FAM227B: variants seen among roughly 807,000 people sequenced by gnomAD.
FAM227B encodes the protein protein FAM227B.
Under a neutral mutation model 73.8 loss-of-function variants are expected in FAM227B, and 88 were observed. That is an observed-to-expected ratio of 1.19 (90% CI 1.00 to 1.42). The LOEUF (loss-of-function observed/expected upper bound fraction) is 1.42. Ranked by LOEUF, FAM227B falls within the 40% of genes most tolerant of loss-of-function variation. FAM227B has a pLI of 0.00. For synonymous variants in FAM227B, 210 were observed against 190.5 expected (o/e 1.10, Z -0.84); for missense variants, 632 against 590.9 (o/e 1.07, Z -0.72).
intron 11 of FAM227B, among the ~76,000 whole-genome samples, chr15:49,465,124 A>G (rs2054144805): frequency 6.6e-6 from 1 of 151,736 alleles, no homozygotes; most frequent in Admixed American, 6.6e-5. Flanking sequence ...TGTCCTTCTT[A>G]ATTTTATTTT....
At chr15:49,442,035 A>C (rs1448199637) in intron 11 of FAM227B, among the ~76,000 whole-genome samples, 2 of 151,666 alleles carry the variant, frequency 1.3e-5, no homozygotes, top group Non-Finnish European at 3.0e-5. Flanking sequence ...AGTGTCCAGC[A>C]CATTAGGAAA....
intron 13 of FAM227B, among the ~76,000 whole-genome samples, chr15:49,354,287 G>C (rs575337860): frequency 6.6e-6 from 1 of 152,206 alleles, no homozygotes; most frequent in East Asian, 1.9e-4. Flanking sequence ...AGCTCCCAGC[G>C]TGAGCGACGC....
chr15:49,435,978 G>A (rs1310174114), intron 11 of FAM227B, among the ~76,000 whole-genome samples: 1 of 151,384 alleles, frequency 6.6e-6, no homozygotes, highest in Non-Finnish European at 1.5e-5. Context: ...AATTGGTACA[G>A]AGTACTTTAT....
At chr15:49,467,083 G>T (rs1026904081) in intron 11 of FAM227B, among the ~76,000 whole-genome samples, 6 of 152,226 alleles carry the variant, frequency 3.9e-5, no homozygotes, top group African/African-American at 1.4e-4. Context: ...GTTAAAGAGG[G>T]AGGGAAGAAA....
At position 49,556,742 on chromosome 15, in the gene FAM227B, C is replaced by G. The variant is rs80004206; in HGVS notation, c.747+11503G>C. Among the ~76,000 whole-genome samples, 1,292 of 152,228 alleles carry G rather than the reference C, an allele frequency of 8.5e-3. 21 individuals are homozygous for G. Among genetic ancestry groups the G allele is most frequent in the African/African-American group, 0.03 (1,253 of 41,522 alleles). ...CCTGCTCTGTTCAGGTCTGACAGTT[C>G]CCCTAAAATGAAAGTCTCCTAGGGT... On this transcript the variant is annotated intron_variant, in intron 9 of 15. Transcript: ENST00000299338.
At chr15:49,499,722 C>G (rs2057981337) in intron 11 of FAM227B, among the ~76,000 whole-genome samples, 1 of 152,130 alleles carries the variant, frequency 6.6e-6, no homozygotes, top group Non-Finnish European at 1.5e-5. Flanking sequence ...CAGACATAAA[C>G]CAATATGTAT....
At chr15:49,389,525 T>C (rs191488489) in intron 11 of FAM227B, among the ~76,000 whole-genome samples, 66 of 151,954 alleles carry the variant, frequency 4.3e-4, no homozygotes, top group Non-Finnish European at 8.1e-4. Context: ...AAACTACACA[T>C]TAGGTAAAAT....
chr15:49,549,666 G>A (rs2072513685), intron 9 of FAM227B, among the ~76,000 whole-genome samples: 2 of 151,788 alleles, frequency 1.3e-5, no homozygotes, highest in Admixed American at 6.6e-5. Flanking sequence ...AGATCAACAG[G>A]ATAAGAATTT....
chr15:49,391,896 T>A (rs952744786), intron 11 of FAM227B, among the ~76,000 whole-genome samples: 54 of 152,076 alleles, frequency 3.6e-4, no homozygotes, highest in Non-Finnish European at 1.0e-4. Context: ...GCTGCCCAAT[T>A]CTCCTTGCTT....
intron 11 of FAM227B, among the ~76,000 whole-genome samples, chr15:49,384,328 T>C (rs1468676049): frequency 1.3e-5 from 2 of 152,054 alleles, no homozygotes; most frequent in African/African-American, 4.8e-5. Flanking sequence ...CTGCTATATA[T>C]TATCACTCAT....
At chr15:49,526,304 T>C (rs1245347273) in intron 10 of FAM227B, among the ~76,000 whole-genome samples, 2 of 152,110 alleles carry the variant, frequency 1.3e-5, no homozygotes, top group African/African-American at 4.8e-5. Context: ...GAAGGACTTT[T>C]GGGTAAAAAA....
At chr15:49,351,809 G>A (rs181970817) in intron 13 of FAM227B, among the ~76,000 whole-genome samples, 7 of 152,304 alleles carry the variant, frequency 4.6e-5, no homozygotes, top group South Asian at 2.1e-4. Context: ...TCTGAATTGG[G>A]GCTAAGGAGC....
chr15:49,584,032 C>T (rs2075989860), intron 5 of FAM227B, among the ~76,000 whole-genome samples: 1 of 152,004 alleles, frequency 6.6e-6, no homozygotes, highest in African/African-American at 2.4e-5. Flanking sequence ...ATCATCCTGT[C>T]ACTAAAACCG....
At chr15:49,584,874 CAAAA>C (rs1351472745) in intron 5 of FAM227B, among the ~76,000 whole-genome samples, 2 of 151,874 alleles carry the variant, frequency 1.3e-5, no homozygotes, top group Non-Finnish European at 2.9e-5. Context: ...TTCTGCACAG[CAAAA>C]GAAACTACCA....
At chr15:49,396,289 G>A (rs189621176) in intron 11 of FAM227B, 10 of 402,196 alleles carry the variant, frequency 2.5e-5, no homozygotes, top group East Asian at 8.7e-5. Context: ...CTTTTCTGAC[G>A]GGCTTAAAAA....
At chr15:49,422,171 C>T (rs1457835446) in intron 11 of FAM227B, among the ~76,000 whole-genome samples, 4 of 126,124 alleles carry the variant, frequency 3.2e-5, no homozygotes, top group Admixed American at 7.9e-5. Flanking sequence ...TGTGCGCGCG[C>T]GCGCGCGTGC....
intron 11 of FAM227B, among the ~76,000 whole-genome samples, chr15:49,409,354 T>A (rs1389691289): frequency 6.6e-6 from 1 of 152,100 alleles, no homozygotes; most frequent in Non-Finnish European, 1.5e-5. Flanking sequence ...AGGCTTCAGA[T>A]TAGCCCTTCT....
intron 9 of FAM227B, among the ~76,000 whole-genome samples, chr15:49,565,801 C>A (rs1338860130): frequency 6.6e-6 from 1 of 151,900 alleles, no homozygotes; most frequent in African/African-American, 2.4e-5. Flanking sequence ...GGAGATTATC[C>A]CATGGGCTGT....
In FAM227B at chr15:49,471,445, T is replaced by A. The variant is rs181830934; in HGVS notation, c.1012+36766A>T. Among the ~76,000 whole-genome samples, 75 of 150,738 alleles carry A rather than the reference T, an allele frequency of 5.0e-4. 1 individual carries two copies. The highest frequency in any genetic ancestry group is 4.0e-3 in the Admixed American group (60 of 15,070). On this transcript the variant is annotated intron_variant, in intron 11 of 15. Transcript: ENST00000299338. Reference sequence around the variant, plus strand: ...TTGTAGTGCACCTAGATGGCGCCACTGCACTATAGCCTGAGCTACAGAGTG... The same window carrying A: ...TTGTAGTGCACCTAGATGGCGCCACAGCACTATAGCCTGAGCTACAGAGTG...
Sources: gnomAD v4.1 joint callset for allele counts (sites outside exome capture counted in the v4.1 genomes callset) on GRCh38, gnomAD v4.1.1 for gene constraint, MANE v1.5 for transcripts, NCBI Gene and HGNC (gene_info 2026-07-23, HGNC 2026-07-21) for gene names.